ANK3: variants seen among roughly 807,000 people sequenced by gnomAD.
ANK3 encodes ankyrin 3, also known as ankyrin-3.
A neutral mutation model predicts 370.9 loss-of-function variants in ANK3; 57 were observed. The ratio of observed to expected loss-of-function variants is 0.15; its 90% CI spans 0.12 to 0.19. ANK3 has a LOEUF of 0.19. ANK3 is among the 10% of genes least tolerant of loss of function. The probability of loss-of-function intolerance (pLI) is 1.00; values close to 1 mark genes in which losing one functional copy is unlikely to be tolerated. For missense variants in ANK3, 4,439 were observed against 5,302.1 expected (o/e 0.84, Z 5.06); for synonymous variants, 1,929 against 1,946.3 (o/e 0.99, Z 0.23).
chr10:60,425,922 G>T (rs988711295), intron 2 of ANK3, among the ~76,000 whole-genome samples: 2 of 151,946 alleles, frequency 1.3e-5, no homozygotes, highest in African/African-American at 4.8e-5. Flanking sequence ...AGCCCTTTAG[G>T]TTCTCTAGGT....
chr10:60,460,486 G>A (rs1934750), intron 2 of ANK3, among the ~76,000 whole-genome samples: 59,527 of 151,896 alleles, frequency 0.39, 12,186 homozygotes, highest in Non-Finnish European at 0.45. Context: ...GGTATCTCCC[G>A]TGGCATTCAA....
At chr10:60,222,215 T>A (rs1195547970) in intron 8 of ANK3, among the ~76,000 whole-genome samples, 1 of 152,162 alleles carries the variant, frequency 6.6e-6, no homozygotes, top group Non-Finnish European at 1.5e-5. Context: ...CTGCACAAGA[T>A]ATCAATGATG....
chr10:60,170,259 G>C (rs2132307174), intron 21 of ANK3, among the ~76,000 whole-genome samples: 1 of 152,254 alleles, frequency 6.6e-6, no homozygotes, highest in South Asian at 2.1e-4. Flanking sequence ...TACTCACATG[G>C]AAAAGACATT....
intron 1 of ANK3, among the ~76,000 whole-genome samples, chr10:60,710,300 GT>G (rs2079685635): frequency 6.6e-6 from 1 of 152,154 alleles, no homozygotes; most frequent in African/African-American, 2.4e-5. Context: ...AATTATTACA[GT>G]AGTTCAGTAT....
intron 9 of ANK3, 59 bp from the exon 10 acceptor site, chr10:60,208,292 A>C: frequency 6.8e-7 from 1 of 1,476,720 alleles, no homozygotes; most frequent in South Asian, 1.1e-5. Context: ...AAATGTGCAG[A>C]ACACAAAGTG....
At chr10:60,294,531 G>T (rs2042108809) in intron 1 of ANK3, among the ~76,000 whole-genome samples, 1 of 152,138 alleles carries the variant, frequency 6.6e-6, no homozygotes, top group Non-Finnish European at 1.5e-5. Context: ...ATGGTTTCAT[G>T]CTGATTTTTT....
intron 43 of ANK3, 123 bp from the exon 44 acceptor site, chr10:60,029,949 CTT>C (rs1233532457): frequency 8.9e-6 from 1 of 112,846 alleles, no homozygotes; most frequent in Non-Finnish European, 1.7e-5. Flanking sequence ...ATAGAAAAGT[CTT>C]AGGGAATAGA....
At chr10:60,032,196 T>TTTTTTTTTTTTTG (rs2073803908) in intron 43 of ANK3, among the ~76,000 whole-genome samples, 1 of 68,908 alleles carries the variant, frequency 1.5e-5, no homozygotes, top group Non-Finnish European at 3.4e-5. Context: ...CACAGCTTCT[T>TTTTTTTTTTTTTG]TTTTTTTTTT....
chr10:60,359,031 T>G (rs2058212908), intron 1 of ANK3, among the ~76,000 whole-genome samples: 1 of 152,286 alleles, frequency 6.6e-6, no homozygotes, highest in Middle Eastern at 3.4e-3. Context: ...ATTGGCTTAT[T>G]GTTCACATGT....
intron 1 of ANK3, among the ~76,000 whole-genome samples, chr10:60,333,806 C>G (rs2052075104): frequency 6.6e-6 from 1 of 152,188 alleles, no homozygotes; most frequent in South Asian, 2.1e-4. Flanking sequence ...TCTCCAGCAT[C>G]TGTTGTTTCC....
intron 2 of ANK3, among the ~76,000 whole-genome samples, chr10:60,402,972 G>T (rs944201538): frequency 6.6e-6 from 1 of 152,098 alleles, no homozygotes; most frequent in African/African-American, 2.4e-5. Flanking sequence ...TACCAAAAAA[G>T]GCTGAGAATA....
chr10:60,428,803 T>C, intron 2 of ANK3, among the ~76,000 whole-genome samples: 1 of 152,162 alleles, frequency 6.6e-6, no homozygotes, highest in East Asian at 1.9e-4. Flanking sequence ...CTACTTGTAT[T>C]AAATATGCAT....
At position 60,502,821 on chromosome 10, in the gene ANK3, GA is replaced by G. The variant is rs746174923; in HGVS notation, c.96+112364del. On this transcript the variant is annotated intron_variant, in intron 2 of 43. Transcript: ENST00000373827. ...AAAAGAAAGAAAAAAGAGAAGAAAA[GA>G]AAAGAAAGAAGGAGTAAGAGAAAGG... is the stretch of plus-strand genomic sequence containing the variant. 3.4e-3 allele frequency among the ~76,000 whole-genome samples: 205 copies of G among 59,746 alleles called. 1 individual carries two copies. The highest frequency in any genetic ancestry group is 4.8e-3 in the Non-Finnish European group (141 of 29,278). The allele number at this position is 59,746 out of a possible 152,430, so 39.2% of individuals were successfully genotyped here.
chr10:60,353,160 T>G (rs2057183446), intron 1 of ANK3, among the ~76,000 whole-genome samples: 1 of 137,464 alleles, frequency 7.3e-6, no homozygotes, highest in African/African-American at 3.1e-5. Context: ...TTTGTTTTGT[T>G]TTTTTTTTTT....
chr10:60,648,626 C>T (rs1303132375), intron 1 of ANK3, among the ~76,000 whole-genome samples: 1 of 150,848 alleles, frequency 6.6e-6, no homozygotes, highest in Admixed American at 6.6e-5. Context: ...AAAAATTAGC[C>T]AGGTGTGGTG....
At chr10:60,343,863 T>C (rs1417543591) in intron 1 of ANK3, among the ~76,000 whole-genome samples, 1 of 152,224 alleles carries the variant, frequency 6.6e-6, no homozygotes, top group East Asian at 1.9e-4. Context: ...TCAGTCTGGC[T>C]GATGCGGGGC....
chr10:60,292,217 G>A (rs891986918), intron 1 of ANK3, among the ~76,000 whole-genome samples: 4 of 152,062 alleles, frequency 2.6e-5, no homozygotes, highest in South Asian at 2.1e-4. Flanking sequence ...GAAAATAACC[G>A]CAGATGGAGA....
At chr10:60,565,488 T>G (rs147269411) in intron 2 of ANK3, among the ~76,000 whole-genome samples, 1 of 152,280 alleles carries the variant, frequency 6.6e-6, no homozygotes, top group Non-Finnish European at 1.5e-5. Flanking sequence ...ATGTCTGACC[T>G]TAATACTTCC....
At chr10:60,258,633 G>T (rs936344421) in intron 7 of ANK3, among the ~76,000 whole-genome samples, 3 of 152,262 alleles carry the variant, frequency 2.0e-5, no homozygotes, top group African/African-American at 7.2e-5. Flanking sequence ...CTTTGGAAAG[G>T]AACATCTATT....
Sources: allele counts gnomAD v4.1 joint callset (sites outside exome capture counted in the v4.1 genomes callset), GRCh38; gene constraint gnomAD v4.1.1; transcripts MANE v1.5; gene names NCBI Gene and HGNC (gene_info 2026-07-23, HGNC 2026-07-21).